Variants in HYLS1 observed in about 807,000 individuals in gnomAD.
HYLS1 encodes HYLS1 centriolar and ciliogenesis associated.
Under a neutral mutation model 29.4 loss-of-function variants are expected in HYLS1, and 25 were observed. That is an observed-to-expected ratio of 0.85 (90% CI 0.62 to 1.19). HYLS1 has a LOEUF of 1.19. Ranked by LOEUF, HYLS1 falls within the 50% of genes most tolerant of loss-of-function variation. The probability of loss-of-function intolerance (pLI) is 0.00; values close to 1 mark genes in which losing one functional copy is unlikely to be tolerated. For synonymous variants in HYLS1, 128 were observed against 126.7 expected (o/e 1.01, Z -0.07); for missense variants, 352 against 365.1 (o/e 0.96, Z 0.29).
Position 125,899,882 on chromosome 11 carries a change from C to A in HYLS1, c.514C>A (p.Leu172Ile). ...TTCTCAAGATCAGCTCATTTGCTCT[C>A]TACAAAGAGAAGGAATGGGCTCTCC... The part of the protein sequence containing the change: ...GISQDQLICS[L>I]QREGMGSPAY... The change falls in exon 3 of 3, where the codon CTA (leucine) becomes ATA (isoleucine). Residue 172 changes from leucine (L) to isoleucine (I), a missense_variant. Transcript: ENST00000425380. 6.2e-7 allele frequency: 1 copy of A among 1,614,212 alleles called. No homozygotes were observed. Among genetic ancestry groups the A allele is most frequent in the Non-Finnish European group, 8.5e-7 (1 of 1,180,040 alleles).
In HYLS1 at chr11:125,899,533, A is replaced by G; in HGVS notation, c.165A>G (p.Ser55=). 6.2e-7 allele frequency: 1 copy of G among 1,614,160 alleles called. No individual in the cohort carries two copies. The highest frequency in any genetic ancestry group is 8.5e-7 in the Non-Finnish European group (1 of 1,179,994). ...SIQYDPYSKA[S]VAPGKRPALP... ...AATATGATCCCTACAGTAAAGCTTCAGTAGCCCCAGGGAAGCGACCTGCTC... is the reference window on the plus strand; with the variant it reads ...AATATGATCCCTACAGTAAAGCTTCGGTAGCCCCAGGGAAGCGACCTGCTC... Residue 55 remains serine, a synonymous_variant, in exon 3 of 3, where the codon TCA becomes TCG. Transcript: ENST00000425380.
upstream of HYLS1, among the ~76,000 whole-genome samples, chr11:125,886,319 A>T (rs1204731671): frequency 6.6e-6 from 1 of 152,166 alleles, no homozygotes. Flanking sequence ...GCAAAGAGGG[A>T]GAGTAAGAGA....
At chr11:125,897,088 G>A (rs1346802891) in intron 2 of HYLS1, among the ~76,000 whole-genome samples, 1 of 152,082 alleles carries the variant, frequency 6.6e-6, no homozygotes, top group African/African-American at 2.4e-5. Context: ...AATAATCTGA[G>A]GACAACTGTA....
chr11:125,899,466 G>A lies in HYLS1; in HGVS notation c.98G>A (p.Gly33Glu), dbSNP rs774880480. The A allele has an allele frequency of 3.1e-6, 5 of 1,614,138 alleles. No individual in the cohort carries two copies. The South Asian group carries it at 5.5e-5, about 18-fold the overall frequency. The part of the protein sequence containing the change: ...AATAFTHICA[G>E]QGEGDVRREA... Reference sequence around the variant, plus strand: ...ACAGCTTTTACCCACATCTGTGCAGGGCAGGGTGAAGGAGATGTCAGGAGA... The same window carrying A: ...ACAGCTTTTACCCACATCTGTGCAGAGCAGGGTGAAGGAGATGTCAGGAGA... Residue 33 changes from glycine to glutamate, a missense_variant, in exon 3 of 3, where the codon GGG becomes GAG. Coordinates refer to ENST00000425380, the MANE Select transcript of HYLS1 (RefSeq NM_001134793.2).
intron 1 of HYLS1, 177 bp downstream of exon 1, chr11:125,887,942 AGG>A (rs1944336548): frequency 6.0e-5 from 9 of 150,160 alleles, no homozygotes; most frequent in African/African-American, 2.0e-4. Context: ...TTCCTGAGGG[AGG>A]CGGCCGGGGC....
chr11:125,891,751 T>C (rs1944413538), intron 2 of HYLS1, among the ~76,000 whole-genome samples: 1 of 152,158 alleles, frequency 6.6e-6, no homozygotes, highest in Non-Finnish European at 1.5e-5. Context: ...ATCTCTAAAA[T>C]GGGGTATTTT....
chr11:125,884,405 C>T (rs1020245624), upstream of HYLS1, among the ~76,000 whole-genome samples: 21 of 149,020 alleles, frequency 1.4e-4, no homozygotes, highest in African/African-American at 4.0e-4. Flanking sequence ...GTCAGGAGAT[C>T]GAGACCATCC....
At chr11:125,895,223 C>T (rs765546215) in intron 2 of HYLS1, 1 of 1,573,276 alleles carries the variant, frequency 6.4e-7, no homozygotes, top group Admixed American at 1.9e-5. Context: ...TTTTAACTCA[C>T]CTATATTGAG....
intron 1 of HYLS1, 85 bp downstream of exon 1, chr11:125,887,850 C>G (rs1944334517): frequency 6.6e-6 from 1 of 152,226 alleles, no homozygotes; most frequent in Non-Finnish European, 1.5e-5. Context: ...CGCTCCTTTT[C>G]CCACCGTCGG....
intron 2 of HYLS1, chr11:125,893,928 G>T: frequency 6.2e-7 from 1 of 1,613,966 alleles, no homozygotes; most frequent in Non-Finnish European, 8.5e-7. Context: ...TGCTCAATTC[G>T]TCCCCTACGT....
chr11:125,895,518 A>G (rs1944555688), intron 2 of HYLS1: 3 of 1,614,170 alleles, frequency 1.9e-6, no homozygotes, highest in African/African-American at 1.3e-5. Context: ...ATGGGTGCCA[A>G]CATACTTCTG....
upstream of HYLS1, among the ~76,000 whole-genome samples, chr11:125,885,182 TG>T (rs1426569203): frequency 7.9e-5 from 12 of 152,204 alleles, no homozygotes; most frequent in Admixed American, 5.2e-4. Flanking sequence ...CTGCACACAG[TG>T]GCTCACGCTG....
Position 125,899,756 on chromosome 11 carries a change from G to A in HYLS1, c.388G>A (p.Asp130Asn), listed in dbSNP as rs1216025401. 6.2e-7 allele frequency: 1 copy of A among 1,614,078 alleles called. No homozygotes were observed. Among genetic ancestry groups the A allele is most frequent in the Non-Finnish European group, 8.5e-7 (1 of 1,180,032 alleles). ...SGTENDQDLW[D>N]LRQRLMNVQF... Reference sequence around the variant, plus strand: ...TACAGAAAATGATCAGGATCTCTGGGACTTAAGACAAAGGCTGATGAATGT... The same window carrying A: ...TACAGAAAATGATCAGGATCTCTGGAACTTAAGACAAAGGCTGATGAATGT... Residue 130 changes from aspartate to asparagine, a missense_variant, in exon 3 of 3, where the codon GAC becomes AAC. Physicochemically the swap from Asp to Asn is conservative, Grantham distance 23. Coordinates refer to ENST00000425380, the MANE Select transcript of HYLS1 (RefSeq NM_001134793.2).
At chr11:125,884,813 T>C (rs1283261421), upstream of HYLS1, among the ~76,000 whole-genome samples, 4 of 152,352 alleles carry the variant, frequency 2.6e-5, no homozygotes, top group Admixed American at 2.6e-4. Flanking sequence ...TTCACTGGGC[T>C]TCATTATGTA....
chr11:125,889,706 C>G (rs1236775220), intron 1 of HYLS1, among the ~76,000 whole-genome samples: 1 of 151,372 alleles, frequency 6.6e-6, no homozygotes, highest in African/African-American at 2.4e-5. Context: ...CACCGCAACT[C>G]CAGCCTGGGC....
Position 125,900,312 on chromosome 11 carries a change from C to G in HYLS1, c.*44C>G, listed in dbSNP as rs1400218346. 1 of 1,552,428 alleles carries G rather than the reference C, an allele frequency of 6.4e-7. No homozygotes were observed. ...CACAGGATTGTTTGAGATAACCTAG[C>G]TCTTTATATCTTCCCTTTTAAATAG... On this transcript the variant is annotated 3_prime_UTR_variant, in exon 3 of 3. Coordinates refer to ENST00000425380, the MANE Select transcript of HYLS1 (RefSeq NM_001134793.2).
At chr11:125,893,593 G>A (rs1173670200) in intron 2 of HYLS1, 7 of 481,770 alleles carry the variant, frequency 1.5e-5, no homozygotes, top group South Asian at 4.4e-5. Flanking sequence ...CTTTTGGACC[G>A]GGATAAGAGA....
chr11:125,893,935 A>G lies in HYLS1; in HGVS notation c.-26+2463A>G, dbSNP rs370085015. The G allele has an allele frequency of 5.9e-5, 96 of 1,613,984 alleles. 1 individual carries two copies. In the Admixed American group the frequency reaches 1.1e-3, roughly 19 times the overall value. ...AATGTGGGTGCTCAATTCGTCCCCTACGTACAAAATGCTGGATCCGGGATT... is the reference window on the plus strand; with the variant it reads ...AATGTGGGTGCTCAATTCGTCCCCTGCGTACAAAATGCTGGATCCGGGATT... On this transcript the variant is annotated intron_variant, in intron 2 of 2. Coordinates refer to ENST00000425380, the MANE Select transcript of HYLS1 (RefSeq NM_001134793.2).
chr11:125,896,886 G>T (rs1944607380), intron 2 of HYLS1, among the ~76,000 whole-genome samples: 1 of 152,172 alleles, frequency 6.6e-6, no homozygotes, highest in African/African-American at 2.4e-5. Flanking sequence ...CACATTGGAA[G>T]TAGAAGCTAG....
Sources: allele counts gnomAD v4.1 joint callset (sites outside exome capture counted in the v4.1 genomes callset), GRCh38; gene constraint gnomAD v4.1.1; transcripts MANE v1.5; gene names NCBI Gene and HGNC (gene_info 2026-07-23, HGNC 2026-07-21).